The following PKD1L1 variants were observed in gnomAD, a reference collection of about 807,000 sequenced individuals.
PKD1L1 encodes the protein polycystin-1-like protein 1.
A neutral mutation model predicts 323.4 loss-of-function variants in PKD1L1; 236 were observed. That is an observed-to-expected ratio of 0.73 (90% CI 0.66 to 0.81). The LOEUF is 0.81. PKD1L1 is among the 40% of genes least tolerant of loss of function. The probability of loss-of-function intolerance (pLI) is 0.00; values close to 1 mark genes in which losing one functional copy is unlikely to be tolerated. For missense variants in PKD1L1, 3,320 were observed against 3,508.0 expected (o/e 0.95, Z 1.35); for synonymous variants, 1,344 against 1,335.0 (o/e 1.01, Z -0.15).
At chr7:47,791,603 G>C (rs1352442133) in intron 56 of PKD1L1, among the ~76,000 whole-genome samples, 12 of 151,986 alleles carry the variant, frequency 7.9e-5, no homozygotes, top group Non-Finnish European at 1.6e-4. Flanking sequence ...TTTTCCTGAA[G>C]CAGATTTGCA....
intron 8 of PKD1L1, among the ~76,000 whole-genome samples, chr7:47,909,211 T>C (rs1294854129): frequency 6.6e-6 from 1 of 152,228 alleles, no homozygotes; most frequent in East Asian, 1.9e-4. Context: ...ACTGTACATT[T>C]GATTGTGTCA....
rs1022723008 is a variant in PKD1L1 at position 47,800,724 on chromosome 7, G to A, written c.8118C>T (p.Ser2706=). The A allele has an allele frequency of 6.2e-6, 10 of 1,614,066 alleles. No homozygotes were observed. The highest frequency in any genetic ancestry group is 8.5e-6 in the Non-Finnish European group (10 of 1,180,056). ...RSQKDCLLGL[S]KSDQRAMACY... ...AAGCCATGGCCCGCTGGTCAGACTT[G>A]GAAAGGCCAAGGAGGCAGTCTTTTT... The change falls in exon 54 of 57, where the codon TCC becomes TCT. Residue 2706 remains serine (S), a synonymous_variant. Transcript: ENST00000289672.
chr7:47,836,020 A>G (rs1785449972), intron 37 of PKD1L1, among the ~76,000 whole-genome samples: 1 of 152,324 alleles, frequency 6.6e-6, no homozygotes, highest in African/African-American at 2.4e-5. Context: ...ATCAGACAAC[A>G]TGTCGGCTTC....
At chr7:47,795,883 A>C (rs1784514642) in intron 55 of PKD1L1, 106 bp downstream of exon 55, 13 of 1,346,384 alleles carry the variant, frequency 9.7e-6, no homozygotes, top group Non-Finnish European at 1.3e-5. Context: ...GAGATTTGGC[A>C]TGGAAACATA....
At chr7:47,882,134 T>A in intron 19 of PKD1L1, 49 bp from the exon 20 acceptor site, 1 of 1,580,270 alleles carries the variant, frequency 6.3e-7, no homozygotes, top group Non-Finnish European at 8.7e-7. Context: ...AAAGTCATGA[T>A]GATCTTAAAG....
At chr7:47,805,986 C>A (rs1454481374) in intron 52 of PKD1L1, among the ~76,000 whole-genome samples, 6 of 152,180 alleles carry the variant, frequency 3.9e-5, no homozygotes, top group East Asian at 1.9e-4. Context: ...TTGGCATCTG[C>A]CCTAGAAAGG....
intron 32 of PKD1L1, among the ~76,000 whole-genome samples, chr7:47,845,454 A>C (rs937596034): frequency 2.0e-5 from 3 of 152,248 alleles, no homozygotes; most frequent in Non-Finnish European, 2.9e-5. Flanking sequence ...CCTCTGCCTA[A>C]GCACCAGTTC....
chr7:47,952,631 ATT>A (rs1250232246), upstream of PKD1L1, among the ~76,000 whole-genome samples: 3 of 152,152 alleles, frequency 2.0e-5, no homozygotes, highest in Non-Finnish European at 4.4e-5. Context: ...AGTGATGTTA[ATT>A]TGCAGGGAAA....
intron 54 of PKD1L1, among the ~76,000 whole-genome samples, chr7:47,798,219 T>C (rs1784584085): frequency 6.6e-6 from 1 of 152,204 alleles, no homozygotes; most frequent in Non-Finnish European, 1.5e-5. Flanking sequence ...TGGGATTGGC[T>C]AAAGGAAAGA....
chr7:47,803,842 T>C (rs1784718107), intron 52 of PKD1L1, among the ~76,000 whole-genome samples: 1 of 152,176 alleles, frequency 6.6e-6, no homozygotes, highest in Non-Finnish European at 1.5e-5. Flanking sequence ...CCACTTTATA[T>C]CTCTAGAGTC....
intron 27 of PKD1L1, 79 bp from the exon 28 acceptor site, chr7:47,857,911 G>A: frequency 1.5e-6 from 2 of 1,371,910 alleles, no homozygotes; most frequent in Non-Finnish European, 1.0e-6. Context: ...AGGAGAGAGG[G>A]GAAAAGTAGT....
chr7:47,795,857 T>A, intron 55 of PKD1L1, 132 bp downstream of exon 55: 1 of 1,079,308 alleles, frequency 9.3e-7, no homozygotes. Flanking sequence ...TGAGACTAAT[T>A]TTGTGGCTTT....
Position 47,832,982 on chromosome 7 carries a change from A to G in PKD1L1, c.6337+108T>C, listed in dbSNP as rs1186149169. 2.2e-5 allele frequency: 30 copies of G among 1,386,828 alleles called. No individual in the cohort carries two copies. In the Admixed American group the frequency reaches 2.7e-4, roughly 12 times the overall value. 85.9% of individuals were successfully genotyped at this position (1,386,828 alleles called of 1,614,324 possible). A position where few individuals can be genotyped will look rare whatever the true frequency, so the allele number is the denominator to read the frequency against. Reference sequence around the variant, plus strand: ...CCTGGTTTTTAGATGAGACTAGAGTATTCAGTGACATTTGGCCCAATTGTG... The same window carrying G: ...CCTGGTTTTTAGATGAGACTAGAGTGTTCAGTGACATTTGGCCCAATTGTG... On this transcript the variant is annotated intron_variant, in intron 41 of 56. Transcript: ENST00000289672.
Position 47,886,038 on chromosome 7 carries a change from T to C in PKD1L1, c.2853A>G (p.Val951=). ...KNRIEVPFCR[V]VGLLGSLGLG... is the part of the protein sequence containing the mutation. ...GTCCCAGCGAGCCAAGCAGCCCCAC[T>C]ACTCTGCAGAAGGGAACTTAAGCAA... The change falls in exon 18 of 57, where the codon GTA becomes GTG. Residue 951 remains valine (V), a synonymous_variant. Transcript: ENST00000289672. 1.9e-6 allele frequency: 3 copies of C among 1,612,662 alleles called. No individual in the cohort carries two copies. Among genetic ancestry groups the C allele is most frequent in the Middle Eastern group, 1.7e-4 (1 of 6,048 alleles).
At chr7:47,872,559 T>C (rs1786304691) in intron 24 of PKD1L1, among the ~76,000 whole-genome samples, 1 of 152,196 alleles carries the variant, frequency 6.6e-6, no homozygotes, top group Non-Finnish European at 1.5e-5. Context: ...AGACATTTCT[T>C]CAAGGAAGAT....
Position 47,888,045 on chromosome 7 carries a change from C to G in PKD1L1, c.2781G>C (p.Leu927=), listed in dbSNP as rs1274245127. 1 of 1,613,980 alleles carries G rather than the reference C, an allele frequency of 6.2e-7. No homozygotes were observed. Among genetic ancestry groups the G allele is most frequent in the South Asian group, 1.1e-5 (1 of 91,074 alleles). ...CTAAAAAGAGATCCCAGGAATAAGA[C>G]AGATTCGGTATTTCACTGCAGTCCT... ...MCEDCSEIPN[L]SYSWDLFLVN... The change falls in exon 17 of 57, where the codon CTG becomes CTC. Residue 927 remains leucine (L), a synonymous_variant. Coordinates refer to ENST00000289672, the MANE Select transcript of PKD1L1 (RefSeq NM_138295.5).
chr7:47,839,725 A>T lies in PKD1L1; in HGVS notation c.5553-63T>A. On this transcript the variant is annotated intron_variant, in intron 35 of 56. Transcript: ENST00000289672. The surrounding 1 kb of genome is among the most constrained non-coding windows in gnomAD (Gnocchi z 4.3). ...GACAGTGTGGTCCTGGCATCCCATC[A>T]GCCCCAATGCTCACCCTCAAGGCAC... 6.8e-7 allele frequency: 1 copy of T among 1,469,032 alleles called. No homozygotes were observed. Among genetic ancestry groups the T allele is most frequent in the Non-Finnish European group, 9.3e-7 (1 of 1,080,230 alleles). The allele number at this position is 1,469,032 out of a possible 1,614,324, so 91.0% of individuals were successfully genotyped here. A position where few individuals can be genotyped will look rare whatever the true frequency, so the allele number is the denominator to read the frequency against.
chr7:47,922,625 C>T (rs1162266236), intron 7 of PKD1L1, among the ~76,000 whole-genome samples: 1 of 151,206 alleles, frequency 6.6e-6, no homozygotes. Flanking sequence ...AGGTGAGCAG[C>T]GTCTCTGACC....
At position 47,898,013 on chromosome 7, in the gene PKD1L1, T is replaced by C; in HGVS notation, c.2246A>G (p.Tyr749Cys). ...TLILPSHTLEYGNYTALAKVQ... is the reference protein window; with the variant it reads ...TLILPSHTLECGNYTALAKVQ... ...CTTGGCAAGGGCAGTGTAGTTCCCA[T>C]ACTCCAAGGTGTGGCTCGGGAGGAT... The change falls in exon 14 of 57, where the codon TAT becomes TGT. Residue 749 changes from tyrosine to cysteine, a missense_variant. Transcript: ENST00000289672. 6.2e-7 allele frequency: 1 copy of C among 1,612,486 alleles called. No individual in the cohort carries two copies. The highest frequency in any genetic ancestry group is 1.1e-5 in the South Asian group (1 of 90,866).
Sources: allele counts gnomAD v4.1 joint callset (sites outside exome capture counted in the v4.1 genomes callset), GRCh38; gene constraint gnomAD v4.1.1; non-coding constraint Gnocchi (gnomAD v3.1); transcripts MANE v1.5; gene names NCBI Gene and HGNC (gene_info 2026-07-23, HGNC 2026-07-21).